The following MCHR2 variants were observed in gnomAD, a reference collection of about 807,000 sequenced individuals.
MCHR2 encodes melanin-concentrating hormone receptor 2.
Under a neutral mutation model 24.8 loss-of-function variants are expected in MCHR2, and 15 were observed. The ratio of observed to expected loss-of-function variants is 0.60; its 90% confidence interval spans 0.40 to 0.93. The LOEUF is 0.93. Ranked by LOEUF, MCHR2 falls within the 40% of genes least tolerant of loss-of-function variation. The pLI, the probability that MCHR2 is intolerant of heterozygous loss-of-function variation, is 0.00. For synonymous variants in MCHR2, 151 were observed against 147.6 expected, an observed-to-expected ratio of 1.02 and a Z score of -0.17; for missense variants, 386 against 408.7, an observed-to-expected ratio of 0.94 and a Z score of 0.48.
At chr6:99,938,767 G>A (rs1036472007) in intron 4 of MCHR2, among the ~76,000 whole-genome samples, 1 of 151,940 alleles carries the variant, frequency 6.6e-6, no homozygotes, top group Non-Finnish European at 1.5e-5. Flanking sequence ...ATGATCTGTC[G>A]ATAACAGAGA....
Position 99,920,971 on chromosome 6 carries a change from T to C in MCHR2, c.992A>G (p.Asn331Ser), listed in dbSNP as rs140382296. ...QRRATEKEIN[N>S]MGNTLKSHF ...GTGTGATTTCAGAGTGTTTCCCATA[T>C]TGTTGATTTCCTTCTCAGTCGCTCT... Residue 331 changes from asparagine to serine, a missense_variant, in exon 6 of 6, where the codon AAT becomes AGT. By Grantham distance (46) the Asn-to-Ser change is conservative (BLOSUM62 1). Transcript: ENST00000281806. The C allele has an allele frequency of 4.3e-6, 7 of 1,614,210 alleles. No homozygotes were observed. The highest frequency in any genetic ancestry group is 3.3e-4 in the Middle Eastern group (2 of 6,062).
chr6:99,938,193 T>C (rs145166609), intron 4 of MCHR2, among the ~76,000 whole-genome samples: 79 of 152,078 alleles, frequency 5.2e-4, no homozygotes, highest in Non-Finnish European at 1.0e-3. Context: ...AGTCTCAATT[T>C]TATTTATTTC....
At chr6:99,947,045 T>G (rs1224596148) in intron 3 of MCHR2, among the ~76,000 whole-genome samples, 1 of 152,152 alleles carries the variant, frequency 6.6e-6, no homozygotes, top group African/African-American at 2.4e-5. Context: ...ATTCTACCAC[T>G]TATTGGTTCC....
chr6:99,988,021 T>C (rs1167235739), intron 1 of MCHR2, among the ~76,000 whole-genome samples: 3 of 152,308 alleles, frequency 2.0e-5, no homozygotes, highest in African/African-American at 7.2e-5. Flanking sequence ...AGCCATAGAC[T>C]TCAGCAGAAT....
chr6:99,925,480 T>C (rs1200349931), intron 5 of MCHR2, among the ~76,000 whole-genome samples: 1 of 152,152 alleles, frequency 6.6e-6, no homozygotes, highest in Non-Finnish European at 1.5e-5. Context: ...CCTTCTTTCT[T>C]TCCTTCCTGT....
intron 1 of MCHR2, among the ~76,000 whole-genome samples, chr6:99,964,804 A>G (rs1473581017): frequency 6.6e-6 from 1 of 152,144 alleles, no homozygotes; most frequent in Non-Finnish European, 1.5e-5. Context: ...ACAATGAAAT[A>G]CTATATAGCA....
intron 3 of MCHR2, among the ~76,000 whole-genome samples, chr6:99,945,563 A>T (rs1318192739): frequency 1.3e-5 from 2 of 152,178 alleles, no homozygotes; most frequent in Non-Finnish European, 1.5e-5. Context: ...TGGCAATTAA[A>T]ATGATTTAAA....
intron 1 of MCHR2, among the ~76,000 whole-genome samples, chr6:99,967,622 G>GA (rs1409020090): frequency 3.3e-5 from 5 of 151,954 alleles, no homozygotes; most frequent in Non-Finnish European, 5.9e-5. Flanking sequence ...AAATATCAGG[G>GA]AAAAAAATCA....
At chr6:99,982,100 C>T (rs1340253276) in intron 1 of MCHR2, among the ~76,000 whole-genome samples, 1 of 152,104 alleles carries the variant, frequency 6.6e-6, no homozygotes, top group Non-Finnish European at 1.5e-5. Context: ...TGTCTCTGTT[C>T]TATTCAGATG....
intron 1 of MCHR2, among the ~76,000 whole-genome samples, chr6:99,967,624 A>G (rs537834040): frequency 4.6e-5 from 7 of 152,184 alleles, no homozygotes; most frequent in Admixed American, 1.3e-4. Context: ...ATATCAGGGA[A>G]AAAAATCATC....
At chr6:99,983,027 C>A (rs993332171) in intron 1 of MCHR2, among the ~76,000 whole-genome samples, 1 of 152,260 alleles carries the variant, frequency 6.6e-6, no homozygotes, top group Admixed American at 6.5e-5. Context: ...GTGGTGCAAT[C>A]ACGGCTCACT....
intron 5 of MCHR2, among the ~76,000 whole-genome samples, chr6:99,925,756 T>G (rs1774340876): frequency 6.6e-6 from 1 of 151,920 alleles, no homozygotes; most frequent in Non-Finnish European, 1.5e-5. Context: ...CTTATTGTAT[T>G]ATCTATGTCT....
chr6:99,971,261 G>C (rs1183444515), intron 1 of MCHR2, among the ~76,000 whole-genome samples: 1 of 151,656 alleles, frequency 6.6e-6, no homozygotes, highest in Non-Finnish European at 1.5e-5. Flanking sequence ...AGTTCTCCTT[G>C]AAGAGGTCCT....
chr6:99,930,352 G>A lies in MCHR2; in HGVS notation c.707+4046C>T, dbSNP rs554145014. On this transcript the variant is annotated intron_variant, in intron 5 of 5. Coordinates refer to ENST00000281806, the MANE Select transcript of MCHR2 (RefSeq NM_001040179.2). Reference sequence around the variant, plus strand: ...TCTTCTCAAGGAGTATCTTTGTGGCGTTCTCTGTATTTCCTGAATCTGAAT... The same window carrying A: ...TCTTCTCAAGGAGTATCTTTGTGGCATTCTCTGTATTTCCTGAATCTGAAT... Among the ~76,000 whole-genome samples the A allele has an allele frequency of 3.7e-3, 561 of 152,140 alleles. 7 individuals carry two copies. Among genetic ancestry groups the A allele is most frequent in the African/African-American group, 0.012 (490 of 41,472 alleles).
intron 5 of MCHR2, among the ~76,000 whole-genome samples, chr6:99,927,817 A>G (rs185354930): frequency 2.0e-5 from 3 of 152,158 alleles, no homozygotes; most frequent in East Asian, 3.9e-4. Context: ...TCCTAATTGA[A>G]TACACTTTAT....
At chr6:99,930,509 C>G (rs1774494606) in intron 5 of MCHR2, among the ~76,000 whole-genome samples, 1 of 152,120 alleles carries the variant, frequency 6.6e-6, no homozygotes, top group African/African-American at 2.4e-5. Flanking sequence ...TTCACATAGT[C>G]CCATATTTCT....
Position 99,928,623 on chromosome 6 carries a change from G to A in MCHR2, c.707+5775C>T, listed in dbSNP as rs539054670. Among the ~76,000 whole-genome samples the A allele has an allele frequency of 3.6e-4, 55 of 152,250 alleles. 1 individual carries two copies. The South Asian group carries it at 7.5e-3, about 21-fold the overall frequency. ...CTTCTAGATTTTTTAGTTTATTTGC[G>A]TAGAGGTGTTGGTAGTGTTCTCTGA... is the stretch of plus-strand genomic sequence containing the variant. On this transcript the variant is annotated intron_variant, in intron 5 of 5. Transcript: ENST00000281806.
At position 99,919,263 on chromosome 6, in the gene MCHR2, C is replaced by A. The variant is rs1403821484; in HGVS notation, c.*1677G>T. On this transcript the variant is annotated 3_prime_UTR_variant, in exon 6 of 6. Coordinates refer to ENST00000281806, the MANE Select transcript of MCHR2 (RefSeq NM_001040179.2). ...CATGTGGTTTACAGAACCATTCATC[C>A]AGATATGCATTTAGATACTATCCAG... 6.6e-6 allele frequency among the ~76,000 whole-genome samples: 1 copy of A among 152,038 alleles called. No homozygotes were observed. Among genetic ancestry groups the A allele is most frequent in the African/African-American group, 2.4e-5 (1 of 41,398 alleles).
intron 4 of MCHR2, among the ~76,000 whole-genome samples, chr6:99,936,790 T>C (rs1396613389): frequency 6.6e-6 from 1 of 152,016 alleles, no homozygotes; most frequent in Non-Finnish European, 1.5e-5. Context: ...AGTAGTGTCA[T>C]TTTAACAATA....
Sources: gnomAD v4.1 joint callset for allele counts (sites outside exome capture counted in the v4.1 genomes callset) on GRCh38, gnomAD v4.1.1 for gene constraint, MANE v1.5 for transcripts, NCBI Gene and HGNC (gene_info 2026-07-23, HGNC 2026-07-21) for gene names.